Variants in CTNNBL1 observed in about 807,000 individuals in gnomAD.
The protein encoded by CTNNBL1 is catenin beta like 1.
A neutral mutation model predicts 72.7 loss-of-function variants in CTNNBL1; 31 were observed. That is an observed-to-expected ratio of 0.43 (90% CI 0.32 to 0.58). The LOEUF is 0.58. Ranked by LOEUF, CTNNBL1 falls within the 20% of genes least tolerant of loss-of-function variation. The pLI, the probability that CTNNBL1 is intolerant of heterozygous loss-of-function variation, is 0.08. For synonymous variants in CTNNBL1, 240 were observed against 267.3 expected (o/e 0.90, Z 1.00); for missense variants, 534 against 725.1 (o/e 0.74, Z 3.03).
At chr20:37,797,331 A>C (rs934152187) in intron 10 of CTNNBL1, among the ~76,000 whole-genome samples, 1 of 149,722 alleles carries the variant, frequency 6.7e-6, no homozygotes, top group African/African-American at 2.5e-5. Context: ...GGTTCACAGA[A>C]TATTTTAAAG....
chr20:37,828,936 T>C (rs1600513760), intron 11 of CTNNBL1, among the ~76,000 whole-genome samples: 3 of 152,152 alleles, frequency 2.0e-5, no homozygotes, highest in East Asian at 3.8e-4. Flanking sequence ...TGTAATGTTA[T>C]GGCTTGATTT....
intron 13 of CTNNBL1, 70 bp downstream of exon 13, chr20:37,842,489 A>G: frequency 2.0e-6 from 2 of 1,002,184 alleles, no homozygotes; most frequent in Non-Finnish European, 3.2e-6. Context: ...TGTTCCTCCC[A>G]TCACCCCACA....
chr20:37,772,151 A>T (rs1329375627), intron 7 of CTNNBL1, among the ~76,000 whole-genome samples: 1 of 152,072 alleles, frequency 6.6e-6, no homozygotes, highest in African/African-American at 2.4e-5. Context: ...CTTTCTCCAA[A>T]TATCTCTAAA....
chr20:37,854,602 T>C (rs2072423469), intron 13 of CTNNBL1, among the ~76,000 whole-genome samples: 3 of 139,474 alleles, frequency 2.2e-5, no homozygotes. Context: ...ATTATTATTA[T>C]TATTTGAGAC....
chr20:37,869,985 T>A, intron 15 of CTNNBL1, among the ~76,000 whole-genome samples: 1 of 143,130 alleles, frequency 7.0e-6, no homozygotes, highest in Middle Eastern at 3.5e-3. Flanking sequence ...AAGTCCAGAG[T>A]CACCAAATCA....
chr20:37,710,303 G>A (rs529559181), intron 1 of CTNNBL1, among the ~76,000 whole-genome samples: 10 of 152,256 alleles, frequency 6.6e-5, no homozygotes, highest in African/African-American at 2.4e-4. Flanking sequence ...TTTCCTTGGT[G>A]TCAGCTGTCA....
intron 4 of CTNNBL1, among the ~76,000 whole-genome samples, chr20:37,757,257 A>G (rs1266288526): frequency 2.0e-5 from 3 of 152,214 alleles, no homozygotes; most frequent in African/African-American, 4.8e-5. Flanking sequence ...GTGTTGGCCT[A>G]TTTCTCACTG....
chr20:37,757,495 T>C, intron 4 of CTNNBL1, 64 bp from the exon 5 acceptor site: 1 of 1,149,106 alleles, frequency 8.7e-7, no homozygotes, highest in South Asian at 1.3e-5. Flanking sequence ...CGGAAGGGAA[T>C]CAAGGATTAA....
chr20:37,862,844 C>T (rs2072503690), intron 15 of CTNNBL1, among the ~76,000 whole-genome samples: 1 of 152,184 alleles, frequency 6.6e-6, no homozygotes. Flanking sequence ...CGAACTCAAC[C>T]TTGAATCCAT....
Position 37,803,044 on chromosome 20 carries a change from T to C in CTNNBL1, c.1209T>C (p.His403=). 6.2e-7 allele frequency: 1 copy of C among 1,613,554 alleles called. No individual in the cohort carries two copies. Among genetic ancestry groups the C allele is most frequent in the Non-Finnish European group, 8.5e-7 (1 of 1,179,640 alleles). ...IKKVGTTEKE[H]EEHVCSILAS... Reference sequence around the variant, plus strand: ...AAGTGGGAACCACTGAGAAGGAACATGAAGGTAGGGTTCACTGGAGGAGTC... The same window carrying C: ...AAGTGGGAACCACTGAGAAGGAACACGAAGGTAGGGTTCACTGGAGGAGTC... Residue 403 remains histidine (H), a synonymous_variant, in exon 11 of 16, where the codon CAT becomes CAC. Coordinates refer to ENST00000361383, the MANE Select transcript of CTNNBL1 (RefSeq NM_030877.5).
chr20:37,774,194 G>T (rs1482010815), intron 7 of CTNNBL1, among the ~76,000 whole-genome samples: 1 of 152,144 alleles, frequency 6.6e-6, no homozygotes, highest in Non-Finnish European at 1.5e-5. Flanking sequence ...GAGTACAGGT[G>T]TGAGCCACTG....
At chr20:37,857,567 G>A in intron 13 of CTNNBL1, among the ~76,000 whole-genome samples, 1 of 152,110 alleles carries the variant, frequency 6.6e-6, no homozygotes, top group African/African-American at 2.4e-5. Context: ...AAGTAGCCTT[G>A]TGTTGCTACA....
intron 1 of CTNNBL1, among the ~76,000 whole-genome samples, chr20:37,721,092 C>G (rs1600443708): frequency 6.6e-6 from 1 of 152,166 alleles, no homozygotes; most frequent in Non-Finnish European, 1.5e-5. Context: ...TGCACGTACT[C>G]TATTCTAAGG....
intron 1 of CTNNBL1, among the ~76,000 whole-genome samples, chr20:37,724,119 T>A (rs2122582820): frequency 6.6e-6 from 1 of 152,348 alleles, no homozygotes; most frequent in South Asian, 2.1e-4. Context: ...TCTGAGCATT[T>A]CAATTTGGTT....
chr20:37,832,832 C>A (rs2072222438), intron 11 of CTNNBL1, among the ~76,000 whole-genome samples: 1 of 151,046 alleles, frequency 6.6e-6, no homozygotes, highest in Non-Finnish European at 1.5e-5. Flanking sequence ...AATGCCAGTC[C>A]ATCCCATTCT....
intron 3 of CTNNBL1, among the ~76,000 whole-genome samples, chr20:37,743,654 G>A (rs1210021089): frequency 1.3e-5 from 2 of 152,112 alleles, no homozygotes. Context: ...GAAATGGAGT[G>A]AAAAACCCAG....
intron 4 of CTNNBL1, chr20:37,750,761 G>A (rs188123266): frequency 6.6e-6 from 1 of 152,290 alleles, no homozygotes; most frequent in Admixed American, 6.5e-5. Flanking sequence ...GTAGATCACT[G>A]TTATTTACTG....
chr20:37,853,973 A>G (rs2072417764), intron 13 of CTNNBL1, among the ~76,000 whole-genome samples: 1 of 152,216 alleles, frequency 6.6e-6, no homozygotes, highest in African/African-American at 2.4e-5. Flanking sequence ...TCAGAAGCCA[A>G]TCTCTGTTTC....
intron 2 of CTNNBL1, among the ~76,000 whole-genome samples, chr20:37,735,231 C>A (rs912250732): frequency 1.3e-5 from 2 of 152,144 alleles, no homozygotes; most frequent in Non-Finnish European, 2.9e-5. Context: ...CTCCCCTCCT[C>A]CCTTCCTCCA....
Sources: allele counts gnomAD v4.1 joint callset (sites outside exome capture counted in the v4.1 genomes callset), GRCh38; gene constraint gnomAD v4.1.1; transcripts MANE v1.5; gene names NCBI Gene and HGNC (gene_info 2026-07-23, HGNC 2026-07-21).